GRM7: variants seen among roughly 807,000 people sequenced by gnomAD.
The protein encoded by GRM7 is metabotropic glutamate receptor 7.
A neutral mutation model predicts 84.5 loss-of-function variants in GRM7; 35 were observed. The ratio of observed to expected loss-of-function variants is 0.41; its 90% CI spans 0.32 to 0.55. GRM7 has a LOEUF of 0.55. GRM7 is among the 20% of genes least tolerant of loss of function. The pLI is 0.19. For missense variants in GRM7, 1,003 were observed against 1,194.6 expected (o/e 0.84, Z 2.36); for synonymous variants, 487 against 455.1 (o/e 1.07, Z -0.89).
chr3:7,413,635 A>C (rs1416402142), intron 4 of GRM7, among the ~76,000 whole-genome samples: 1 of 152,122 alleles, frequency 6.6e-6, no homozygotes, highest in East Asian at 1.9e-4. Flanking sequence ...ATCCATTCCA[A>C]TACCTGAACA....
chr3:6,941,071 G>T (rs1697876178), intron 1 of GRM7, among the ~76,000 whole-genome samples: 1 of 152,174 alleles, frequency 6.6e-6, no homozygotes, highest in South Asian at 2.1e-4. Flanking sequence ...CTTTCCAGAA[G>T]ACTCTGGAGT....
At position 6,861,349 on chromosome 3, in the gene GRM7, C is replaced by T. The variant is rs1347555851; in HGVS notation, c.-40C>T. The T allele has an allele frequency of 4.8e-6, 7 of 1,463,186 alleles. No individual in the cohort carries two copies. The highest frequency in any genetic ancestry group is 5.4e-6 in the Non-Finnish European group (6 of 1,117,528). 90.6% of individuals were successfully genotyped at this position (1,463,186 alleles called of 1,614,324 possible). ...GACCTCGGCGAGCCCACCACCGTTC[C>T]CTCCAGCGCCGCCGCCGCCACCGCA... On this transcript the variant is annotated 5_prime_UTR_variant, in exon 1 of 10. Coordinates refer to ENST00000357716, the MANE Select transcript of GRM7 (RefSeq NM_000844.4). This position sits in a 1 kb window ranked among gnomAD's most constrained non-coding sequence, Gnocchi z 6.4.
intron 4 of GRM7, among the ~76,000 whole-genome samples, chr3:7,352,057 CCA>C (rs56873432): frequency 0.016 from 2,153 of 136,922 alleles, 28 homozygotes; most frequent in Middle Eastern, 0.043. Flanking sequence ...CACACACACA[CCA>C]CACACACACA....
At chr3:6,890,080 C>A (rs564567500) in intron 1 of GRM7, among the ~76,000 whole-genome samples, 2 of 151,960 alleles carry the variant, frequency 1.3e-5, no homozygotes, top group African/African-American at 2.4e-5. Context: ...GTGGTGATAT[C>A]CCCTTTATCA....
chr3:7,396,859 T>G (rs1019602105), intron 4 of GRM7, among the ~76,000 whole-genome samples: 6 of 152,198 alleles, frequency 3.9e-5, no homozygotes, highest in African/African-American at 1.4e-4. Flanking sequence ...TAAAATAGTT[T>G]CGTACCATAA....
chr3:7,071,354 A>G (rs550372489), intron 1 of GRM7, among the ~76,000 whole-genome samples: 3 of 152,272 alleles, frequency 2.0e-5, no homozygotes, highest in African/African-American at 7.2e-5. Flanking sequence ...TGAGGGATTC[A>G]ACTAGTTTTA....
chr3:7,714,636 GCTCT>G (rs3838614), intron 9 of GRM7, among the ~76,000 whole-genome samples: 10,035 of 152,200 alleles, frequency 0.066, 374 homozygotes, highest in South Asian at 0.12. Context: ...GCACAAGTTT[GCTCT>G]CCCAATCTGC....
intron 7 of GRM7, among the ~76,000 whole-genome samples, chr3:7,576,295 G>A (rs1253192218): frequency 6.6e-6 from 1 of 152,222 alleles, no homozygotes; most frequent in African/African-American, 2.4e-5. Flanking sequence ...TGATGATACT[G>A]AGAAAGAGAA....
chr3:7,448,958 C>G (rs757282203), intron 5 of GRM7, among the ~76,000 whole-genome samples: 4 of 151,094 alleles, frequency 2.6e-5, no homozygotes, highest in Admixed American at 1.3e-4. Context: ...ATTGCCTTTT[C>G]TAAGTTCTAT....
chr3:7,656,921 C>A (rs915883409), intron 8 of GRM7, among the ~76,000 whole-genome samples: 1 of 152,096 alleles, frequency 6.6e-6, no homozygotes, highest in Non-Finnish European at 1.5e-5. Flanking sequence ...TTCACATTGA[C>A]GATTGCCACT....
chr3:7,472,031 G>A (rs886481181), intron 7 of GRM7, among the ~76,000 whole-genome samples: 1 of 152,142 alleles, frequency 6.6e-6, no homozygotes, highest in African/African-American at 2.4e-5. Context: ...CTACCTCGGA[G>A]GTGAGTGAGT....
At chr3:6,875,574 C>A (rs910478321) in intron 1 of GRM7, among the ~76,000 whole-genome samples, 2 of 152,152 alleles carry the variant, frequency 1.3e-5, no homozygotes, top group African/African-American at 4.8e-5. Context: ...GTCAATTAAA[C>A]CTCTTTTCTT....
chr3:7,109,076 GC>G (rs1280763914), intron 1 of GRM7, among the ~76,000 whole-genome samples: 1 of 152,024 alleles, frequency 6.6e-6, no homozygotes, highest in African/African-American at 2.4e-5. Flanking sequence ...AGTGTCCATG[GC>G]CGAGTGCTGA....
chr3:7,325,035 T>G (rs1219425428), intron 4 of GRM7, among the ~76,000 whole-genome samples: 2 of 152,198 alleles, frequency 1.3e-5, no homozygotes, highest in African/African-American at 4.8e-5. Flanking sequence ...CAGTGGATTT[T>G]TTCAGTCGCC....
intron 1 of GRM7, among the ~76,000 whole-genome samples, chr3:6,969,097 T>A (rs1468651814): frequency 6.6e-6 from 1 of 151,944 alleles, no homozygotes; most frequent in Non-Finnish European, 1.5e-5. Context: ...TGTTTTTTTT[T>A]TCTTTCTTGT....
intron 1 of GRM7, among the ~76,000 whole-genome samples, chr3:6,955,841 C>A (rs796154847): frequency 2.8e-4 from 39 of 141,276 alleles, no homozygotes; most frequent in Admixed American, 2.8e-4. Flanking sequence ...GACTCTATCT[C>A]AAAAAAAAAA....
At chr3:7,545,850 A>G (rs940300998) in intron 7 of GRM7, among the ~76,000 whole-genome samples, 6 of 152,222 alleles carry the variant, frequency 3.9e-5, no homozygotes, top group African/African-American at 1.4e-4. Flanking sequence ...TAGAGGCACA[A>G]TTAAAAGAAA....
At chr3:6,881,761 G>T (rs1695518259) in intron 1 of GRM7, among the ~76,000 whole-genome samples, 1 of 152,094 alleles carries the variant, frequency 6.6e-6, no homozygotes, top group Non-Finnish European at 1.5e-5. Context: ...AGCGTTCTGT[G>T]GGCCAGTAAG....
chr3:7,307,936 A>C (rs1434129309), intron 4 of GRM7, among the ~76,000 whole-genome samples: 1 of 122,174 alleles, frequency 8.2e-6, no homozygotes, highest in Non-Finnish European at 2.0e-5. Context: ...CATTGTAAGT[A>C]CAGTATGGAG....
Sources: allele counts gnomAD v4.1 joint callset (sites outside exome capture counted in the v4.1 genomes callset), GRCh38; gene constraint gnomAD v4.1.1; non-coding constraint Gnocchi (gnomAD v3.1); transcripts MANE v1.5; gene names NCBI Gene and HGNC (gene_info 2026-07-23, HGNC 2026-07-21).